Variants in MYRIP observed in about 807,000 individuals in gnomAD.
The protein encoded by MYRIP is rab effector MyRIP.
MYRIP carries 49 observed loss-of-function variants against 98.0 expected under a neutral mutation model. That is an observed-to-expected ratio of 0.50 (90% confidence interval 0.40 to 0.63). The LOEUF (loss-of-function observed/expected upper bound fraction) is 0.63, where lower values mean the gene tolerates loss of function less well. Ranked by LOEUF, MYRIP falls within the 30% of genes least tolerant of loss-of-function variation. The pLI, the probability that MYRIP is intolerant of heterozygous loss-of-function variation, is 0.00. For synonymous variants in MYRIP, 404 were observed against 409.5 expected (o/e 0.99, Z 0.16); for missense variants, 1,004 against 1,058.2 (o/e 0.95, Z 0.71).
At chr3:39,889,699 T>G (rs1485007944) in intron 1 of MYRIP, among the ~76,000 whole-genome samples, 2 of 151,974 alleles carry the variant, frequency 1.3e-5, no homozygotes, top group African/African-American at 2.4e-5. Context: ...AAAAAGACAA[T>G]TTTTTCCTCA....
At chr3:40,153,144 A>G (rs948882084) in intron 4 of MYRIP, among the ~76,000 whole-genome samples, 1 of 152,122 alleles carries the variant, frequency 6.6e-6, no homozygotes, top group Admixed American at 6.5e-5. Flanking sequence ...ATGGATACCA[A>G]GACACTTCAT....
chr3:39,881,768 ATAG>A (rs1943160774), intron 1 of MYRIP, among the ~76,000 whole-genome samples: 1 of 152,124 alleles, frequency 6.6e-6, no homozygotes, highest in Non-Finnish European at 1.5e-5. Context: ...TACCGAACAA[ATAG>A]CCATTATCTT....
chr3:39,848,135 C>A (rs985111781), intron 1 of MYRIP, among the ~76,000 whole-genome samples: 1 of 152,182 alleles, frequency 6.6e-6, no homozygotes, highest in Non-Finnish European at 1.5e-5. Flanking sequence ...CCCAGCTGAG[C>A]CTCACAGATA....
intron 10 of MYRIP, among the ~76,000 whole-genome samples, chr3:40,194,508 T>C (rs1951333095): frequency 6.6e-6 from 1 of 152,110 alleles, no homozygotes; most frequent in Non-Finnish European, 1.5e-5. Context: ...TTCACTGTTG[T>C]GGATTTTTAG....
In MYRIP at chr3:40,119,995, G is replaced by A. The variant is rs146515641; in HGVS notation, c.333-31053G>A. On this transcript the variant is annotated intron_variant, in intron 3 of 16. Coordinates refer to ENST00000302541, the MANE Select transcript of MYRIP (RefSeq NM_015460.4). ...GATATTGGCTTCACCATTAGCCAGC[G>A]ATGTAGCCTTTGTTTTCACAAAATA... Among the ~76,000 whole-genome samples the A allele has an allele frequency of 7.8e-4, 118 of 152,114 alleles. 4 individuals carry two copies. The East Asian group carries it at 0.022, about 28-fold the overall frequency.
At chr3:40,253,933 G>A (rs1953481034) in intron 16 of MYRIP, among the ~76,000 whole-genome samples, 1 of 152,168 alleles carries the variant, frequency 6.6e-6, no homozygotes, top group African/African-American at 2.4e-5. Context: ...AGGTCTGGTT[G>A]AGGTGTAACA....
chr3:40,128,072 C>A (rs1420751344), intron 3 of MYRIP, among the ~76,000 whole-genome samples: 1 of 152,198 alleles, frequency 6.6e-6, no homozygotes, highest in African/African-American at 2.4e-5. Context: ...GTTGCTGAAT[C>A]TTCTAATTCT....
intron 2 of MYRIP, among the ~76,000 whole-genome samples, chr3:39,929,434 T>G (rs1324137464): frequency 6.6e-6 from 1 of 152,026 alleles, no homozygotes; most frequent in Non-Finnish European, 1.5e-5. Flanking sequence ...AAAACAATTT[T>G]GAAAAAGAAT....
At chr3:39,879,785 C>T (rs932789486) in intron 1 of MYRIP, among the ~76,000 whole-genome samples, 1 of 152,144 alleles carries the variant, frequency 6.6e-6, no homozygotes, top group African/African-American at 2.4e-5. Flanking sequence ...GCCTCCTTGG[C>T]ATCTCTCCCA....
intron 3 of MYRIP, among the ~76,000 whole-genome samples, chr3:40,138,732 T>A (rs1949833271): frequency 6.6e-6 from 1 of 151,914 alleles, no homozygotes; most frequent in African/African-American, 2.4e-5. Context: ...TTGATACATA[T>A]CACATGCAGT....
chr3:39,934,718 A>T (rs1398776360), intron 2 of MYRIP, among the ~76,000 whole-genome samples: 1 of 152,180 alleles, frequency 6.6e-6, no homozygotes, highest in Non-Finnish European at 1.5e-5. Flanking sequence ...TCTAAAAGTT[A>T]ATGTTTTTGT....
intron 1 of MYRIP, among the ~76,000 whole-genome samples, chr3:39,881,698 C>G (rs1943158780): frequency 6.6e-6 from 1 of 152,108 alleles, no homozygotes; most frequent in African/African-American, 2.4e-5. Flanking sequence ...TCTGCTTCAC[C>G]CTTTATCTTC....
intron 3 of MYRIP, chr3:40,100,104 T>G: frequency 1.0e-6 from 1 of 985,476 alleles, no homozygotes; most frequent in Non-Finnish European, 1.2e-6. Flanking sequence ...ACCTGGCTTA[T>G]CCTCTGTCTG....
At chr3:39,876,109 C>T (rs1392105804) in intron 1 of MYRIP, among the ~76,000 whole-genome samples, 1 of 152,002 alleles carries the variant, frequency 6.6e-6, no homozygotes, top group Non-Finnish European at 1.5e-5. Flanking sequence ...CCTTTTTTGT[C>T]TCTTTTGATC....
At position 40,044,283 on chromosome 3, in the gene MYRIP, G is replaced by T. The variant is rs1559378251; in HGVS notation, c.332+12G>T. 31 of 1,612,960 alleles carry T rather than the reference G, an allele frequency of 1.9e-5. No homozygotes were observed. The highest frequency in any genetic ancestry group is 2.6e-5 in the Non-Finnish European group (31 of 1,179,142). On this transcript the variant is annotated intron_variant, in intron 3 of 16. Coordinates refer to ENST00000302541, the MANE Select transcript of MYRIP (RefSeq NM_015460.4). ...TGCCAGCAAGCGAGGTGAGTGGCTG[G>T]TGCATTCCCAGGGTCTACACTGTTG...
chr3:39,915,422 T>G (rs1944129695), intron 2 of MYRIP, among the ~76,000 whole-genome samples: 1 of 152,000 alleles, frequency 6.6e-6, no homozygotes. Context: ...CAAAAAATTA[T>G]ACATCTCTGA....
intron 2 of MYRIP, among the ~76,000 whole-genome samples, chr3:39,927,233 T>G (rs13070076): frequency 0.26 from 39,659 of 151,940 alleles, 5,690 homozygotes; most frequent in Middle Eastern, 0.37. Flanking sequence ...TGGCGGATAT[T>G]TTAGGATTTT....
At chr3:40,234,465 T>C (rs1377559988) in intron 12 of MYRIP, among the ~76,000 whole-genome samples, 2 of 152,212 alleles carry the variant, frequency 1.3e-5, no homozygotes, top group African/African-American at 2.4e-5. Context: ...TCAGTCTCTT[T>C]GCACACAGGC....
chr3:39,977,019 C>T (rs1313948091), intron 2 of MYRIP, among the ~76,000 whole-genome samples: 1 of 151,932 alleles, frequency 6.6e-6, no homozygotes, highest in Non-Finnish European at 1.5e-5. Flanking sequence ...ACGTTGTGCA[C>T]ATGTACCCTA....
Sources: gnomAD v4.1 joint callset for allele counts (sites outside exome capture counted in the v4.1 genomes callset) on GRCh38, gnomAD v4.1.1 for gene constraint, MANE v1.5 for transcripts, NCBI Gene and HGNC (gene_info 2026-07-23, HGNC 2026-07-21) for gene names.